LOC400499: variants seen among roughly 807,000 people sequenced by gnomAD.
At chr16:11,382,003 CGCAATCTCGGCTCACT>C in the LOC400499 span, among the ~76,000 whole-genome samples, 2 of 151,278 alleles carry the variant, frequency 1.3e-5, no homozygotes, top group Non-Finnish European at 2.9e-5. Flanking sequence ...AGTGCAGTGG[CGCAATCTCGGCTCACT>C]GCAACCTCCT....
the LOC400499 span, among the ~76,000 whole-genome samples, chr16:11,481,058 T>C: frequency 6.6e-6 from 1 of 152,208 alleles, no homozygotes; most frequent in South Asian, 2.1e-4. Context: ...ACAATGTGGG[T>C]GAACTTCCAA....
At chr16:11,424,555 C>T in the LOC400499 span, among the ~76,000 whole-genome samples, 2 of 152,266 alleles carry the variant, frequency 1.3e-5, no homozygotes, top group African/African-American at 2.4e-5. Context: ...ACAGAAATGG[C>T]GATTTCATCT....
chr16:11,407,975 T>TG, the LOC400499 span, among the ~76,000 whole-genome samples: 3 of 133,982 alleles, frequency 2.2e-5, no homozygotes, highest in Non-Finnish European at 3.2e-5. Context: ...GAGCTGTTTT[T>TG]TTTTTTTTTT....
the LOC400499 span, among the ~76,000 whole-genome samples, chr16:11,481,117 T>C: frequency 6.6e-6 from 1 of 152,360 alleles, no homozygotes; most frequent in Admixed American, 6.5e-5. Context: ...ACATATTATA[T>C]GGTTCCATTT....
At chr16:11,415,967 T>G in the LOC400499 span, among the ~76,000 whole-genome samples, 2 of 151,768 alleles carry the variant, frequency 1.3e-5, no homozygotes, top group African/African-American at 4.8e-5. Context: ...TTTGTTTTTT[T>G]TTTTTTGAGA....
the LOC400499 span, among the ~76,000 whole-genome samples, chr16:11,473,352 A>AG: frequency 6.6e-6 from 1 of 151,786 alleles, no homozygotes; most frequent in Non-Finnish European, 1.5e-5. Context: ...TAAAAAAAAA[A>AG]AAAGAAAAAA....
chr16:11,468,543 C>G, the LOC400499 span, among the ~76,000 whole-genome samples: 4 of 152,170 alleles, frequency 2.6e-5, no homozygotes, highest in African/African-American at 7.2e-5. Context: ...CCAGGTTTAT[C>G]TCGAACTCCT....
the LOC400499 span, among the ~76,000 whole-genome samples, chr16:11,420,395 G>A: frequency 7.3e-6 from 1 of 137,920 alleles, no homozygotes; most frequent in Non-Finnish European, 1.5e-5. Context: ...ATTGAACAAT[G>A]AGAACACGTG....
chr16:11,457,349 T>C, the LOC400499 span, among the ~76,000 whole-genome samples: 1 of 151,938 alleles, frequency 6.6e-6, no homozygotes, highest in African/African-American at 2.4e-5. Context: ...ATCCCAGCAC[T>C]TTGGGAGGCC....
At chr16:11,474,386 C>A in the LOC400499 span, among the ~76,000 whole-genome samples, 4 of 152,202 alleles carry the variant, frequency 2.6e-5, no homozygotes, top group East Asian at 7.7e-4. Flanking sequence ...CCTACCCTTA[C>A]CTCACTGGCA....
At chr16:11,518,912 G>A in the LOC400499 span, 14 of 398,936 alleles carry the variant, frequency 3.5e-5, no homozygotes, top group African/African-American at 1.8e-4. Flanking sequence ...CAGGCTCTCC[G>A]ACTCCTTCAG....
At chr16:11,393,180 G>C in the LOC400499 span, among the ~76,000 whole-genome samples, 3 of 141,760 alleles carry the variant, frequency 2.1e-5, no homozygotes, top group Non-Finnish European at 4.6e-5. Flanking sequence ...TTTAAGTAGA[G>C]ACGGGGTCTC....
At chr16:11,484,761 T>C in the LOC400499 span, 110 of 397,660 alleles carry the variant, frequency 2.8e-4, no homozygotes, top group Non-Finnish European at 4.5e-4. Context: ...CACTTAATTC[T>C]GCAAGGAGGA....
the LOC400499 span, chr16:11,384,412 GAGATGAGCCTGAAGCACAC>G: frequency 1.4e-6 from 1 of 705,312 alleles, no homozygotes; most frequent in Middle Eastern, 4.6e-4. Context: ...ACCTGTGTGT[GAGATGAGCCTGAAGCACAC>G]AGAGGAGCAG....
chr16:11,392,312 C>G, the LOC400499 span: 1 of 399,050 alleles, frequency 2.5e-6, no homozygotes, highest in Non-Finnish European at 4.4e-6. Flanking sequence ...CCCAGGCCCT[C>G]TCACCTCCAC....
the LOC400499 span, among the ~76,000 whole-genome samples, chr16:11,415,398 G>C: frequency 6.6e-6 from 1 of 152,212 alleles, no homozygotes; most frequent in Non-Finnish European, 1.5e-5. Flanking sequence ...CTGGCCAGCA[G>C]GGTGGACGAG....
chr16:11,462,267 C>A, the LOC400499 span: 1 of 1,514,326 alleles, frequency 6.6e-7, no homozygotes, highest in Non-Finnish European at 8.8e-7. Context: ...AACCGCTCAG[C>A]CTCGCCACCC....
chr16:11,422,278 T>C, the LOC400499 span, among the ~76,000 whole-genome samples: 1 of 152,132 alleles, frequency 6.6e-6, no homozygotes, highest in South Asian at 2.1e-4. Context: ...GGTGGGCACC[T>C]GTAATCCCAC....
chr16:11,437,537 T>G, the LOC400499 span, among the ~76,000 whole-genome samples: 1 of 152,154 alleles, frequency 6.6e-6, no homozygotes, highest in South Asian at 2.1e-4. Flanking sequence ...CCAGCCTGGG[T>G]GACAGAGTAA....
Sources: allele counts gnomAD v4.1 joint callset (sites outside exome capture counted in the v4.1 genomes callset), GRCh38; gene constraint gnomAD v4.1.1; transcripts MANE v1.5.